RCOR1: variants seen among roughly 807,000 people sequenced by gnomAD.
The protein encoded by RCOR1 is REST corepressor.
A neutral mutation model predicts 64.0 loss-of-function variants in RCOR1; 12 were observed. That is an observed-to-expected ratio of 0.19 (90% confidence interval 0.12 to 0.30). The LOEUF (loss-of-function observed/expected upper bound fraction) is 0.30, where lower values mean the gene tolerates loss of function less well. Ranked by LOEUF, RCOR1 falls within the 10% of genes least tolerant of loss-of-function variation. RCOR1 has a pLI of 1.00. For synonymous variants in RCOR1, 279 were observed against 227.2 expected (o/e 1.23, Z -2.05); for missense variants, 502 against 621.2 (o/e 0.81, Z 2.04).
chr14:102,639,261 T>C lies in RCOR1; in HGVS notation c.362-42634T>C, dbSNP rs1041184687. 2.2e-4 allele frequency among the ~76,000 whole-genome samples: 22 copies of C among 101,060 alleles called. 1 individual carries two copies. 66.3% of individuals were successfully genotyped at this position (101,060 alleles called of 152,430 possible). A position where few individuals can be genotyped will look rare whatever the true frequency, so the allele number is the denominator to read the frequency against. On this transcript the variant is annotated intron_variant, in intron 2 of 11. Transcript: ENST00000262241. The stretch of plus-strand genomic sequence containing the variant: ...AACCAACTACTCTTTGTTTTCTTTC[T>C]TTCTTTTTTTTTTTTTTTTTTGAGA...
At chr14:102,609,509 G>A (rs554120514) in intron 2 of RCOR1, among the ~76,000 whole-genome samples, 3 of 151,242 alleles carry the variant, frequency 2.0e-5, no homozygotes, top group Non-Finnish European at 4.4e-5. Context: ...GTGCGATCTC[G>A]GCTCACTGCA....
At chr14:102,628,604 A>G (rs1307050119) in intron 2 of RCOR1, among the ~76,000 whole-genome samples, 1 of 151,848 alleles carries the variant, frequency 6.6e-6, no homozygotes, top group African/African-American at 2.4e-5. Flanking sequence ...GAATGGGCCA[A>G]TAAGGGGGAA....
chr14:102,637,230 G>A (rs1894261922), intron 2 of RCOR1, among the ~76,000 whole-genome samples: 1 of 150,738 alleles, frequency 6.6e-6, no homozygotes, highest in Non-Finnish European at 1.5e-5. Flanking sequence ...GTGTTCAAGC[G>A]ATTCTCCTGC....
chr14:102,658,403 C>G (rs1894767940), intron 2 of RCOR1: 1 of 458,382 alleles, frequency 2.2e-6, no homozygotes, highest in Non-Finnish European at 2.9e-6. Context: ...ATGAGAAGTG[C>G]TTGAACTAGG....
chr14:102,661,685 A>T (rs1384662576), intron 2 of RCOR1, among the ~76,000 whole-genome samples: 2 of 152,212 alleles, frequency 1.3e-5, no homozygotes, highest in Non-Finnish European at 2.9e-5. Flanking sequence ...GTGAAGTGGG[A>T]TGAGACAACC....
At chr14:102,619,120 G>A (rs371453413) in intron 2 of RCOR1, among the ~76,000 whole-genome samples, 1 of 151,996 alleles carries the variant, frequency 6.6e-6, no homozygotes, top group Non-Finnish European at 1.5e-5. Flanking sequence ...CTGTCTGTCT[G>A]TCTGTCTTTA....
At chr14:102,718,156 G>C (rs771345158) in intron 8 of RCOR1, among the ~76,000 whole-genome samples, 1 of 152,142 alleles carries the variant, frequency 6.6e-6, no homozygotes, top group African/African-American at 2.4e-5. Context: ...AGGGACCCAG[G>C]TACTTTTCAG....
intron 2 of RCOR1, among the ~76,000 whole-genome samples, chr14:102,678,533 A>G (rs1895238162): frequency 1.3e-5 from 2 of 152,166 alleles, no homozygotes; most frequent in Non-Finnish European, 1.5e-5. Context: ...CCCTGACCTC[A>G]GGTGATCCTG....
chr14:102,628,452 C>A (rs192377816), intron 2 of RCOR1, among the ~76,000 whole-genome samples: 1 of 152,016 alleles, frequency 6.6e-6, no homozygotes, highest in African/African-American at 2.4e-5. Context: ...CCCGCTCCCC[C>A]GCTTTTCTCT....
At chr14:102,663,434 T>C (rs551891351) in intron 2 of RCOR1, among the ~76,000 whole-genome samples, 1 of 152,342 alleles carries the variant, frequency 6.6e-6, no homozygotes, top group African/African-American at 2.4e-5. Flanking sequence ...TTTTCCTAAT[T>C]CAACCTTTTG....
intron 2 of RCOR1, among the ~76,000 whole-genome samples, chr14:102,673,552 G>C (rs1405321712): frequency 6.6e-6 from 1 of 151,812 alleles, no homozygotes; most frequent in South Asian, 2.1e-4. Context: ...AGCCAGGATG[G>C]TCTCGATCTC....
chr14:102,619,847 T>G (rs1194060462), intron 2 of RCOR1, among the ~76,000 whole-genome samples: 1 of 152,228 alleles, frequency 6.6e-6, no homozygotes, highest in East Asian at 1.9e-4. Flanking sequence ...ATCTATGTTC[T>G]TGATGTAGCT....
chr14:102,684,870 T>C (rs1297776714), intron 3 of RCOR1, among the ~76,000 whole-genome samples: 1 of 152,232 alleles, frequency 6.6e-6, no homozygotes. Context: ...TGTAATACTT[T>C]ATTACATGGA....
intron 3 of RCOR1, among the ~76,000 whole-genome samples, chr14:102,687,438 A>G (rs997783803): frequency 1.3e-5 from 2 of 152,214 alleles, no homozygotes; most frequent in South Asian, 2.1e-4. Context: ...CATTAATACT[A>G]TACTAGTTTT....
intron 6 of RCOR1, among the ~76,000 whole-genome samples, chr14:102,710,005 G>A (rs1017268290): frequency 2.6e-5 from 4 of 152,216 alleles, no homozygotes; most frequent in Non-Finnish European, 5.9e-5. Flanking sequence ...CGGGGATGGA[G>A]GTGCTGCAGC....
intron 2 of RCOR1, among the ~76,000 whole-genome samples, chr14:102,676,447 GCGGC>G (rs1333282678): frequency 1.7e-4 from 19 of 113,732 alleles, no homozygotes; most frequent in South Asian, 2.8e-4. Flanking sequence ...CCCGGACGGG[GCGGC>G]CGGCCGGGCG....
chr14:102,658,328 G>A (rs1894766832), intron 2 of RCOR1, among the ~76,000 whole-genome samples: 1 of 151,902 alleles, frequency 6.6e-6, no homozygotes, highest in South Asian at 2.1e-4. Context: ...ATCCATATGT[G>A]TGAGACCAGG....
intron 2 of RCOR1, among the ~76,000 whole-genome samples, chr14:102,615,861 A>G (rs1208442317): frequency 5.3e-5 from 8 of 152,280 alleles, no homozygotes; most frequent in African/African-American, 1.9e-4. Flanking sequence ...CTTTCACAAC[A>G]TGCTTTTGAC....
chr14:102,595,244 G>GGGGAGC (rs1893217852), intron 2 of RCOR1, among the ~76,000 whole-genome samples: 1 of 152,250 alleles, frequency 6.6e-6, no homozygotes, highest in Admixed American at 6.5e-5. Context: ...GCTCACACCT[G>GGGGAGC]TAGTCCCAAC....
Sources: gnomAD v4.1 joint callset for allele counts (sites outside exome capture counted in the v4.1 genomes callset) on GRCh38, gnomAD v4.1.1 for gene constraint, MANE v1.5 for transcripts, NCBI Gene and HGNC (gene_info 2026-07-23, HGNC 2026-07-21) for gene names.